CIMIP6: variants seen among roughly 807,000 people sequenced by gnomAD.
CIMIP6 encodes uncharacterized protein C2orf73.
chr2:54,332,533 A>G, the CIMIP6 span, among the ~76,000 whole-genome samples: 1 of 152,268 alleles, frequency 6.6e-6, no homozygotes, highest in African/African-American at 2.4e-5. Context: ...AGGCTCAGAT[A>G]TGGCAGAACT....
At chr2:54,336,316 T>C in the CIMIP6 span, among the ~76,000 whole-genome samples, 1 of 152,216 alleles carries the variant, frequency 6.6e-6, no homozygotes, top group South Asian at 2.1e-4. Context: ...AGTTTTGCCC[T>C]TTCCAGAAAG....
the CIMIP6 span, among the ~76,000 whole-genome samples, chr2:54,347,781 C>A: frequency 6.6e-6 from 1 of 152,154 alleles, no homozygotes; most frequent in Non-Finnish European, 1.5e-5. Flanking sequence ...TCCCGCTGCC[C>A]CATGCTCCCT....
the CIMIP6 span, among the ~76,000 whole-genome samples, chr2:54,333,484 G>C: frequency 3.3e-5 from 5 of 152,170 alleles, no homozygotes; most frequent in African/African-American, 1.2e-4. Flanking sequence ...GGAGGGTCTT[G>C]AGTGAAGTCG....
the CIMIP6 span, among the ~76,000 whole-genome samples, chr2:54,380,431 C>T: frequency 6.6e-6 from 1 of 152,262 alleles, no homozygotes; most frequent in East Asian, 1.9e-4. Context: ...CTTCCCATGA[C>T]ATCACACTGC....
the CIMIP6 span, among the ~76,000 whole-genome samples, chr2:54,373,449 C>T: frequency 6.6e-6 from 1 of 152,134 alleles, no homozygotes; most frequent in Non-Finnish European, 1.5e-5. Flanking sequence ...TCCTTCATGG[C>T]CATCCTATCC....
chr2:54,334,469 A>G, the CIMIP6 span, among the ~76,000 whole-genome samples: 1 of 152,216 alleles, frequency 6.6e-6, no homozygotes, highest in African/African-American at 2.4e-5. Context: ...AAAGAAGTTG[A>G]GTTAACTATA....
the CIMIP6 span, among the ~76,000 whole-genome samples, chr2:54,353,925 T>C: frequency 6.6e-6 from 1 of 152,190 alleles, no homozygotes; most frequent in Non-Finnish European, 1.5e-5. Context: ...AGAAGGGTTT[T>C]TCCTACCCTT....
the CIMIP6 span, among the ~76,000 whole-genome samples, chr2:54,357,555 G>A: frequency 6.7e-6 from 1 of 148,522 alleles, no homozygotes; most frequent in African/African-American, 2.5e-5. Context: ...AGATATGTTC[G>A]TTGTACATAA....
chr2:54,343,842 C>G, the CIMIP6 span: 1 of 1,607,482 alleles, frequency 6.2e-7, no homozygotes, highest in Non-Finnish European at 8.5e-7. Context: ...CAGTCAAACA[C>G]AGCAAGATGC....
the CIMIP6 span, chr2:54,330,952 C>G: frequency 1.3e-4 from 205 of 1,612,418 alleles, no homozygotes; most frequent in Non-Finnish European, 1.6e-4. Flanking sequence ...GGAGGCTCCT[C>G]GCTGCCTGGT....
At chr2:54,373,299 T>C in the CIMIP6 span, among the ~76,000 whole-genome samples, 3 of 151,070 alleles carry the variant, frequency 2.0e-5, no homozygotes, top group African/African-American at 7.3e-5. Flanking sequence ...TTGTGTTTCT[T>C]TCCTTCCTCA....
chr2:54,343,689 A>G, the CIMIP6 span: 2 of 1,533,160 alleles, frequency 1.3e-6, no homozygotes, highest in Non-Finnish European at 1.8e-6. Context: ...TACAGTATCC[A>G]ATATTGTGTT....
the CIMIP6 span, among the ~76,000 whole-genome samples, chr2:54,355,932 T>C: frequency 1.1e-3 from 160 of 152,302 alleles, no homozygotes; most frequent in South Asian, 7.9e-3. Context: ...TGGTAGATCA[T>C]ATTCCCCTAG....
the CIMIP6 span, chr2:54,383,689 CT>C: frequency 7.1e-6 from 1 of 140,438 alleles, no homozygotes; most frequent in African/African-American, 2.9e-5. Context: ...TCATTTTAGT[CT>C]ATTAGTTGCT....
At chr2:54,376,007 A>C in the CIMIP6 span, among the ~76,000 whole-genome samples, 1 of 152,034 alleles carries the variant, frequency 6.6e-6, no homozygotes, top group Non-Finnish European at 1.5e-5. Flanking sequence ...TGTTGTTTAA[A>C]ATTTTTACAG....
the CIMIP6 span, among the ~76,000 whole-genome samples, chr2:54,373,653 C>T: frequency 6.6e-6 from 1 of 152,162 alleles, no homozygotes; most frequent in Admixed American, 6.5e-5. Context: ...CACTTTGCCT[C>T]CTCCTCAAAA....
the CIMIP6 span, chr2:54,334,839 G>T: frequency 6.5e-7 from 1 of 1,546,320 alleles, no homozygotes; most frequent in East Asian, 2.4e-5. Context: ...AGAGGATGCT[G>T]CTATAACATA....
At chr2:54,335,359 T>C in the CIMIP6 span, among the ~76,000 whole-genome samples, 1 of 152,214 alleles carries the variant, frequency 6.6e-6, no homozygotes, top group Non-Finnish European at 1.5e-5. Flanking sequence ...TTCACATACC[T>C]TCTGTAAAAT....
chr2:54,375,182 T>G, the CIMIP6 span, among the ~76,000 whole-genome samples: 1 of 152,062 alleles, frequency 6.6e-6, no homozygotes. Context: ...TAGCAAAAAA[T>G]GTAACTTTAA....
Sources: allele counts gnomAD v4.1 joint callset (sites outside exome capture counted in the v4.1 genomes callset), GRCh38; gene constraint gnomAD v4.1.1; transcripts MANE v1.5; gene names NCBI Gene and HGNC (gene_info 2026-07-23, HGNC 2026-07-21).